Variants in KCNK9 observed in about 807,000 individuals in gnomAD.
KCNK9 encodes the protein potassium two pore domain channel subfamily K member 9, also known as potassium channel subfamily K member 9.
KCNK9 carries 1 observed loss-of-function variant against 10.8 expected under a neutral mutation model. That is an observed-to-expected ratio of 0.09 (90% CI 0.03 to 0.44). The LOEUF is 0.44. KCNK9 is among the 20% of genes least tolerant of loss of function. KCNK9 has a pLI of 0.97. For synonymous variants in KCNK9, 231 were observed against 222.7 expected (o/e 1.04, Z -0.33); for missense variants, 303 against 515.0 (o/e 0.59, Z 3.98).
At chr8:139,698,018 T>G (rs1233895312) in intron 1 of KCNK9, among the ~76,000 whole-genome samples, 1 of 152,180 alleles carries the variant, frequency 6.6e-6, no homozygotes, top group Admixed American at 6.5e-5. Context: ...GCCCTTCATC[T>G]GGGTCTGCTG....
chr8:139,675,526 G>A (rs1174680513), intron 1 of KCNK9, among the ~76,000 whole-genome samples: 1 of 152,180 alleles, frequency 6.6e-6, no homozygotes, highest in African/African-American at 2.4e-5. Context: ...CACAGGAGAA[G>A]TCAGCCATCT....
chr8:139,662,439 G>A (rs559636734), intron 1 of KCNK9, among the ~76,000 whole-genome samples: 11 of 152,104 alleles, frequency 7.2e-5, no homozygotes, highest in Non-Finnish European at 1.3e-4. Context: ...ACATGGCATC[G>A]ACCCTGCTCT....
downstream of KCNK9, among the ~76,000 whole-genome samples, chr8:139,608,313 A>G (rs1441075980): frequency 6.6e-6 from 1 of 152,104 alleles, no homozygotes; most frequent in Non-Finnish European, 1.5e-5. Flanking sequence ...CCCTGGGGGC[A>G]GATTCCCACC....
At chr8:139,629,166 C>T (rs1815083539) in intron 1 of KCNK9, among the ~76,000 whole-genome samples, 1 of 152,260 alleles carries the variant, frequency 6.6e-6, no homozygotes. Flanking sequence ...TACACATCAG[C>T]TGTCATAGTT....
At chr8:139,651,567 A>T (rs942208233) in intron 1 of KCNK9, among the ~76,000 whole-genome samples, 1 of 152,160 alleles carries the variant, frequency 6.6e-6, no homozygotes, top group Non-Finnish European at 1.5e-5. Context: ...CCCTGCAACA[A>T]CTATTGTGCT....
intron 1 of KCNK9, among the ~76,000 whole-genome samples, chr8:139,637,782 C>CAT (rs1158920843): frequency 1.3e-5 from 2 of 151,810 alleles, no homozygotes; most frequent in Non-Finnish European, 1.5e-5. Flanking sequence ...CACACACACA[C>CAT]ACAATAATAG....
chr8:139,693,830 G>C lies in KCNK9; in HGVS notation c.283+8880C>G, dbSNP rs1816989163. On this transcript the variant is annotated intron_variant, in intron 1 of 1. Coordinates refer to ENST00000520439, the MANE Select transcript of KCNK9 (RefSeq NM_001282534.2). The surrounding 1 kb of genome is among the most constrained non-coding windows in gnomAD (Gnocchi z 4.1). Reference sequence around the variant, plus strand: ...CTGCTGGGGTCTGGGGCAGGGCGAAGATGGCAGCCATGGGCTTTTAAAGGT... The same window carrying C: ...CTGCTGGGGTCTGGGGCAGGGCGAACATGGCAGCCATGGGCTTTTAAAGGT... Among the ~76,000 whole-genome samples the C allele has an allele frequency of 6.6e-6, 1 of 152,188 alleles. No homozygotes were observed. Among genetic ancestry groups the C allele is most frequent in the African/African-American group, 2.4e-5 (1 of 41,450 alleles).
chr8:139,601,778 G>C (rs1164570497), intron 2 of KCNK9, among the ~76,000 whole-genome samples: 2 of 152,154 alleles, frequency 1.3e-5, no homozygotes, highest in Non-Finnish European at 2.9e-5. Flanking sequence ...TTGCATGTTA[G>C]GTTCTCTATA....
chr8:139,693,976 AAC>A lies in KCNK9; in HGVS notation c.283+8732_283+8733del, dbSNP rs1816992081. On this transcript the variant is annotated intron_variant, in intron 1 of 1. Transcript: ENST00000520439. The surrounding 1 kb of genome is among the most constrained non-coding windows in gnomAD (Gnocchi z 4.1). ...CTTGTATTCCAGTCCATAGCAATCC[AAC>A]ACAGAGACACCTTGAATGCAGCCTG... Among the ~76,000 whole-genome samples the A allele has an allele frequency of 2.0e-5, 3 of 152,108 alleles. No individual in the cohort carries two copies. The highest frequency in any genetic ancestry group is 7.2e-5 in the African/African-American group (3 of 41,414).
Position 139,617,325 on chromosome 8 carries a change from T to C in KCNK9, c.*933A>G, listed in dbSNP as rs77134718. ...GTTCCAACAATTTTCCCGTTTCCCC[T>C]GACAATTCCAGTTGCATGGTAAATT... is the stretch of plus-strand genomic sequence containing the variant. On this transcript the variant is annotated 3_prime_UTR_variant, in exon 2 of 2. Coordinates refer to ENST00000520439, the MANE Select transcript of KCNK9 (RefSeq NM_001282534.2). 3.3e-4 allele frequency among the ~76,000 whole-genome samples: 51 copies of C among 152,304 alleles called. 1 individual carries two copies. In the East Asian group the frequency reaches 9.5e-3, roughly 28 times the overall value.
chr8:139,669,106 T>C (rs1166039479), intron 1 of KCNK9, among the ~76,000 whole-genome samples: 2 of 120,652 alleles, frequency 1.7e-5, no homozygotes, highest in Non-Finnish European at 3.7e-5. Context: ...CAATTAAAAG[T>C]ACTCTACTGC....
intron 1 of KCNK9, among the ~76,000 whole-genome samples, chr8:139,698,259 G>A (rs916748997): frequency 7.9e-5 from 12 of 152,284 alleles, no homozygotes; most frequent in African/African-American, 2.9e-4. Context: ...GAGGCTCCGT[G>A]CTCCTCTGGC....
At chr8:139,665,395 G>T (rs1192910477) in intron 1 of KCNK9, among the ~76,000 whole-genome samples, 1 of 152,098 alleles carries the variant, frequency 6.6e-6, no homozygotes, top group African/African-American at 2.4e-5. Flanking sequence ...CTCTTATAAA[G>T]ACGCTGATAT....
At chr8:139,682,423 G>A (rs1586688987) in intron 1 of KCNK9, among the ~76,000 whole-genome samples, 1 of 152,304 alleles carries the variant, frequency 6.6e-6, no homozygotes, top group African/African-American at 2.4e-5. Context: ...GGTGGCAGGT[G>A]CTGAACTGGC....
At chr8:139,605,770 A>T (rs1345660899) in intron 2 of KCNK9, among the ~76,000 whole-genome samples, 1 of 152,264 alleles carries the variant, frequency 6.6e-6, no homozygotes, top group East Asian at 1.9e-4. Context: ...CAAAAGAAAG[A>T]TGCAAACCCT....
chr8:139,679,465 T>C (rs1816636849), intron 1 of KCNK9, among the ~76,000 whole-genome samples: 1 of 152,192 alleles, frequency 6.6e-6, no homozygotes, highest in Non-Finnish European at 1.5e-5. Context: ...ACTGGTCAGA[T>C]TTTTCTAACA....
chr8:139,667,706 A>G (rs1473213962), intron 1 of KCNK9, among the ~76,000 whole-genome samples: 3 of 152,102 alleles, frequency 2.0e-5, no homozygotes, highest in Non-Finnish European at 4.4e-5. Context: ...AGAAAAAAAA[A>G]TGGTCCTCAC....
At chr8:139,701,917 A>C (rs1483011114) in intron 1 of KCNK9, among the ~76,000 whole-genome samples, 1 of 151,832 alleles carries the variant, frequency 6.6e-6, no homozygotes, top group Non-Finnish European at 1.5e-5. Context: ...TACCAGCTGG[A>C]CCCCCTCTCG....
chr8:139,610,500 G>A (rs1178510890), downstream of KCNK9, among the ~76,000 whole-genome samples: 1 of 152,180 alleles, frequency 6.6e-6, no homozygotes, highest in Non-Finnish European at 1.5e-5. Context: ...ATCAAGACAA[G>A]ACCCCAGGAT....
Sources: allele counts gnomAD v4.1 joint callset (sites outside exome capture counted in the v4.1 genomes callset), GRCh38; gene constraint gnomAD v4.1.1; non-coding constraint Gnocchi (gnomAD v3.1); transcripts MANE v1.5; gene names NCBI Gene and HGNC (gene_info 2026-07-23, HGNC 2026-07-21).